The following COL4A1 variants were observed in gnomAD, a reference collection of about 807,000 sequenced individuals.
COL4A1 encodes the protein collagen alpha-1(IV) chain.
A neutral mutation model predicts 216.6 loss-of-function variants in COL4A1; 40 were observed. That is an observed-to-expected ratio of 0.18 (90% confidence interval 0.14 to 0.24). The LOEUF is 0.24. Among genes scored for constraint, COL4A1 ranks in the 10% least tolerant of loss-of-function variants. The pLI is 1.00. For synonymous variants in COL4A1, 839 were observed against 810.7 expected (o/e 1.03, Z -0.59); for missense variants, 1,628 against 2,196.8 (o/e 0.74, Z 5.18).
At chr13:110,156,153 C>G (rs1405697556) in intron 49 of COL4A1, among the ~76,000 whole-genome samples, 2 of 152,216 alleles carry the variant, frequency 1.3e-5, no homozygotes, top group Non-Finnish European at 2.9e-5. Flanking sequence ...GAAGGCAAAG[C>G]TCTAACAGTG....
intron 19 of COL4A1, 65 bp downstream of exon 19, chr13:110,201,373 G>A (rs1763041734): frequency 2.6e-6 from 3 of 1,137,586 alleles, no homozygotes; most frequent in Non-Finnish European, 2.5e-6. Flanking sequence ...GGACGAGGAG[G>A]AGGAAGAGGA....
intron 10 of COL4A1, 72 bp from the exon 11 acceptor site, chr13:110,209,499 C>T (rs1016931523): frequency 1.0e-5 from 11 of 1,073,848 alleles, no homozygotes; most frequent in Admixed American, 4.4e-5. Flanking sequence ...TTCAGGCTGA[C>T]GTTATCTTAA....
At position 110,174,487 on chromosome 13, in the gene COL4A1, A is replaced by G. The variant is rs1338874636; in HGVS notation, c.3365T>C (p.Leu1122Pro). The G allele has an allele frequency of 1.9e-6, 3 of 1,614,152 alleles. No homozygotes were observed. The highest frequency in any genetic ancestry group is 2.2e-5 in the South Asian group (2 of 91,082). Residue 1122 changes from leucine to proline, a missense_variant, in exon 39 of 52, where the codon CTC (leucine) becomes CCC (proline). Leu to Pro is a moderately conservative substitution (Grantham distance 98). Transcript: ENST00000375820. ...GLPGEKGDKG[L>P]PGLDGIPGVK... ...ACCAGGGATGCCATCCAATCCTGGG[A>G]GGCCTTTGTCACCTTTTTCTCCAGG...
chr13:110,277,030 C>T (rs1883457130), intron 1 of COL4A1, among the ~76,000 whole-genome samples: 1 of 152,198 alleles, frequency 6.6e-6, no homozygotes, highest in African/African-American at 2.4e-5. Context: ...GCTGGCTGCT[C>T]CCAGTTATCT....
At chr13:110,209,928 A>T in intron 10 of COL4A1, 52 bp downstream of exon 10, 1 of 1,570,530 alleles carries the variant, frequency 6.4e-7, no homozygotes, top group South Asian at 1.1e-5. Flanking sequence ...TCAAACCTCA[A>T]TATAGTTGTT....
chr13:110,278,068 C>A (rs1056897206), intron 1 of COL4A1, among the ~76,000 whole-genome samples: 3 of 152,162 alleles, frequency 2.0e-5, no homozygotes, highest in African/African-American at 7.2e-5. Flanking sequence ...GAAGTACATA[C>A]GTTAACGTAT....
At chr13:110,242,810 T>G in intron 1 of COL4A1, 76 bp from the exon 2 acceptor site, 1 of 1,492,490 alleles carries the variant, frequency 6.7e-7, no homozygotes. Flanking sequence ...GAGATGGTTC[T>G]GGCATCTTGA....
intron 1 of COL4A1, among the ~76,000 whole-genome samples, chr13:110,277,382 T>C (rs1426032550): frequency 1.3e-5 from 2 of 152,208 alleles, no homozygotes; most frequent in East Asian, 1.9e-4. Flanking sequence ...AAACCTGTGA[T>C]AGGATGAGTC....
intron 1 of COL4A1, among the ~76,000 whole-genome samples, chr13:110,260,025 C>T (rs1163250366): frequency 6.6e-6 from 1 of 152,174 alleles, no homozygotes; most frequent in Non-Finnish European, 1.5e-5. Flanking sequence ...ACATCTCTCT[C>T]ATTCACTCTG....
Position 110,211,802 on chromosome 13 carries a change from A to G in COL4A1, c.441+67T>C. On this transcript the variant is annotated intron_variant, in intron 7 of 51. Transcript: ENST00000375820. The surrounding 1 kb of genome is among the most constrained non-coding windows in gnomAD (Gnocchi z 4.3). Reference sequence around the variant, plus strand: ...ATAAGCAAAGAAAGAAAGAAAAGGAAATGGAATGAAAAGAGAGAAGTCATA... The same window carrying G: ...ATAAGCAAAGAAAGAAAGAAAAGGAGATGGAATGAAAAGAGAGAAGTCATA... 1.9e-6 allele frequency: 3 copies of G among 1,558,950 alleles called. No homozygotes were observed. The highest frequency in any genetic ancestry group is 2.6e-6 in the Non-Finnish European group (3 of 1,133,628).
At chr13:110,264,991 C>G (rs373858233) in intron 1 of COL4A1, among the ~76,000 whole-genome samples, 4 of 152,370 alleles carry the variant, frequency 2.6e-5, no homozygotes, top group South Asian at 4.1e-4. Context: ...GTTGCTGGAT[C>G]GCCAAGTGCT....
At chr13:110,223,556 C>T (rs1056325768) in intron 2 of COL4A1, among the ~76,000 whole-genome samples, 2 of 152,106 alleles carry the variant, frequency 1.3e-5, no homozygotes, top group African/African-American at 2.4e-5. Flanking sequence ...ATCTTCAAAA[C>T]GAGAAAAACA....
intron 2 of COL4A1, among the ~76,000 whole-genome samples, chr13:110,230,158 G>C (rs1189997369): frequency 6.6e-6 from 1 of 150,998 alleles, no homozygotes; most frequent in Non-Finnish European, 1.5e-5. Context: ...CCTGAAGAAA[G>C]TGCGTGTGTG....
At chr13:110,283,168 A>G (rs1883705985) in intron 1 of COL4A1, among the ~76,000 whole-genome samples, 1 of 152,256 alleles carries the variant, frequency 6.6e-6, no homozygotes, top group South Asian at 2.1e-4. Flanking sequence ...CAGAGACTGA[A>G]GAGTAATTAC....
intron 1 of COL4A1, among the ~76,000 whole-genome samples, chr13:110,287,265 G>A (rs775433158): frequency 1.1e-4 from 17 of 152,236 alleles, no homozygotes; most frequent in Non-Finnish European, 1.6e-4. Context: ...CCTTTAGGCC[G>A]CATGACATCT....
intron 29 of COL4A1, among the ~76,000 whole-genome samples, chr13:110,180,882 C>A (rs995806148): frequency 5.3e-5 from 8 of 152,150 alleles, no homozygotes; most frequent in Non-Finnish European, 7.3e-5. Flanking sequence ...GGTGGCCCCC[C>A]ACAGAAAAGA....
chr13:110,190,441 C>A (rs377262678), intron 24 of COL4A1, among the ~76,000 whole-genome samples: 27 of 152,132 alleles, frequency 1.8e-4, no homozygotes, highest in East Asian at 1.3e-3. Flanking sequence ...AACCATGAAA[C>A]CTGCTCAGAC....
chr13:110,267,673 GA>G (rs757709045), intron 1 of COL4A1, among the ~76,000 whole-genome samples: 8 of 152,074 alleles, frequency 5.3e-5, no homozygotes, highest in Non-Finnish European at 1.2e-4. Context: ...TCTATAGCTG[GA>G]AACAACTGAA....
At chr13:110,279,234 A>AT (rs1230981577) in intron 1 of COL4A1, among the ~76,000 whole-genome samples, 1 of 151,792 alleles carries the variant, frequency 6.6e-6, no homozygotes, top group African/African-American at 2.4e-5. Flanking sequence ...CATCTGATCT[A>AT]TTTTTGCTTC....
Sources: gnomAD v4.1 joint callset for allele counts (sites outside exome capture counted in the v4.1 genomes callset) on GRCh38, gnomAD v4.1.1 for gene constraint, Gnocchi (gnomAD v3.1) non-coding constraint, MANE v1.5 for transcripts, NCBI Gene and HGNC (gene_info 2026-07-23, HGNC 2026-07-21) for gene names.